PCDHA13: variants seen among roughly 807,000 people sequenced by gnomAD.
The protein encoded by PCDHA13 is protocadherin alpha-13.
A neutral mutation model predicts 64.8 loss-of-function variants in PCDHA13; 54 were observed. The observed-to-expected ratio is 0.83, with a 90% CI of 0.67 to 1.04. The LOEUF is 1.04. Ranked by LOEUF, PCDHA13 falls within the 50% of genes least tolerant of loss-of-function variation. PCDHA13 has a pLI of 0.00. For missense variants in PCDHA13, 1,248 were observed against 1,254.3 expected (o/e 0.99, Z 0.08); for synonymous variants, 587 against 564.4 (o/e 1.04, Z -0.57).
At chr5:140,918,846 C>T (rs1261805257) in intron 1 of PCDHA13, among the ~76,000 whole-genome samples, 1 of 152,140 alleles carries the variant, frequency 6.6e-6, no homozygotes, top group African/African-American at 2.4e-5. Flanking sequence ...ACTAAATCTG[C>T]TGGTGCCTGA....
chr5:140,967,676 G>A (rs1334899934), intron 1 of PCDHA13: 3 of 1,614,104 alleles, frequency 1.9e-6, no homozygotes, highest in African/African-American at 2.7e-5. Context: ...GTCGGACCGG[G>A]AGAGGCAGCT....
intron 1 of PCDHA13, among the ~76,000 whole-genome samples, chr5:140,941,369 T>C (rs2093052615): frequency 6.8e-6 from 1 of 147,356 alleles, no homozygotes; most frequent in Non-Finnish European, 1.5e-5. Context: ...TAGGCTGGAG[T>C]GTAGTGACAG....
intron 1 of PCDHA13, among the ~76,000 whole-genome samples, chr5:140,900,607 C>T (rs1340239730): frequency 6.6e-6 from 1 of 152,170 alleles, no homozygotes; most frequent in Non-Finnish European, 1.5e-5. Context: ...TGATGATGGA[C>T]ATGTAGATTG....
intron 1 of PCDHA13, among the ~76,000 whole-genome samples, chr5:140,931,548 G>C (rs2087590460): frequency 6.6e-6 from 1 of 151,968 alleles, no homozygotes; most frequent in African/African-American, 2.4e-5. Flanking sequence ...CTGTTCATAT[G>C]TGCAGGAATA....
intron 3 of PCDHA13, among the ~76,000 whole-genome samples, chr5:140,990,073 GA>G (rs1319076601): frequency 2.6e-5 from 4 of 152,060 alleles, no homozygotes; most frequent in Non-Finnish European, 5.9e-5. Context: ...AAATAAGGGG[GA>G]CAAAGGATGC....
At chr5:140,945,722 A>G (rs2093833983) in intron 1 of PCDHA13, among the ~76,000 whole-genome samples, 1 of 152,110 alleles carries the variant, frequency 6.6e-6, no homozygotes, top group African/African-American at 2.4e-5. Context: ...TCAAGAATAT[A>G]CAATGGAAAA....
intron 1 of PCDHA13, chr5:140,968,672 G>A: frequency 6.2e-7 from 1 of 1,614,180 alleles, no homozygotes; most frequent in Non-Finnish European, 8.5e-7. Context: ...CTTTAAGGTA[G>A]AGCTGCACAC....
intron 1 of PCDHA13, among the ~76,000 whole-genome samples, chr5:140,899,719 C>A (rs2067514429): frequency 6.6e-6 from 1 of 152,198 alleles, no homozygotes; most frequent in Non-Finnish European, 1.5e-5. Flanking sequence ...AGGATTCCCT[C>A]TTTTTCTATT....
intron 1 of PCDHA13, among the ~76,000 whole-genome samples, chr5:140,917,890 T>C (rs782473137): frequency 1.3e-5 from 2 of 152,098 alleles, no homozygotes; most frequent in Non-Finnish European, 2.9e-5. Context: ...TTTTTTTCCA[T>C]ATGAATGTTA....
chr5:140,992,216 C>G (rs1554252754), intron 3 of PCDHA13, among the ~76,000 whole-genome samples: 1 of 152,100 alleles, frequency 6.6e-6, no homozygotes, highest in African/African-American at 2.4e-5. Flanking sequence ...AAACTACTCT[C>G]CCTTCCTGGG....
chr5:140,941,996 A>G (rs951664999), intron 1 of PCDHA13, among the ~76,000 whole-genome samples: 1 of 152,220 alleles, frequency 6.6e-6, no homozygotes, highest in Non-Finnish European at 1.5e-5. Flanking sequence ...AGGGATTCAT[A>G]TCTCTTATTA....
chr5:140,964,586 C>T (rs2095842092), intron 1 of PCDHA13, among the ~76,000 whole-genome samples: 1 of 152,078 alleles, frequency 6.6e-6, no homozygotes, highest in Non-Finnish European at 1.5e-5. Flanking sequence ...GAGGAAAGAT[C>T]ACTTTTCATG....
intron 1 of PCDHA13, among the ~76,000 whole-genome samples, chr5:140,912,281 A>G (rs571303094): frequency 3.3e-5 from 5 of 152,200 alleles, no homozygotes; most frequent in Non-Finnish European, 7.4e-5. Context: ...ATACCCAGGA[A>G]CAATACTTTG....
At chr5:140,926,613 C>T (rs868988407) in intron 1 of PCDHA13, 87 of 374,818 alleles carry the variant, frequency 2.3e-4, no homozygotes, top group Middle Eastern at 2.1e-3. Context: ...GTCTCTGCAC[C>T]CCTAGGCGGC....
At chr5:140,985,065 G>A (rs189493508) in intron 3 of PCDHA13, among the ~76,000 whole-genome samples, 45 of 152,190 alleles carry the variant, frequency 3.0e-4, no homozygotes, top group Admixed American at 5.2e-4. Context: ...AGCCTCCTGA[G>A]TAGCTGAGAC....
At chr5:140,938,415 T>A (rs1034279514) in intron 1 of PCDHA13, among the ~76,000 whole-genome samples, 6 of 152,190 alleles carry the variant, frequency 3.9e-5, no homozygotes, top group African/African-American at 1.4e-4. Context: ...TTGGGTTTAT[T>A]TGCAAAAATC....
At chr5:140,924,902 A>T (rs1484044152) in intron 1 of PCDHA13, among the ~76,000 whole-genome samples, 1 of 39,026 alleles carries the variant, frequency 2.6e-5, no homozygotes, top group African/African-American at 7.6e-5. Context: ...CTCAAAAAAA[A>T]AAATAAAATA....
intron 1 of PCDHA13, among the ~76,000 whole-genome samples, chr5:140,917,329 G>GGC (rs1563018868): frequency 6.9e-6 from 1 of 143,930 alleles, no homozygotes; most frequent in Non-Finnish European, 1.5e-5. Context: ...TGTGGCGGGG[G>GGC]AGGGGGGGGA....
chr5:140,995,367 T>G (rs2153932865), intron 3 of PCDHA13, among the ~76,000 whole-genome samples: 1 of 152,280 alleles, frequency 6.6e-6, no homozygotes, highest in East Asian at 1.9e-4. Context: ...AGAGGGATGA[T>G]TCACGTACTG....
Sources: gnomAD v4.1 joint callset for allele counts (sites outside exome capture counted in the v4.1 genomes callset) on GRCh38, gnomAD v4.1.1 for gene constraint, MANE v1.5 for transcripts, NCBI Gene and HGNC (gene_info 2026-07-23, HGNC 2026-07-21) for gene names.